Variants in TMEM178B observed in about 807,000 individuals in gnomAD.
The protein encoded by TMEM178B is transmembrane protein 178B.
TMEM178B carries 5 observed loss-of-function variants against 31.0 expected under a neutral mutation model. The observed-to-expected ratio is 0.16, with a 90% CI of 0.08 to 0.34. The LOEUF (loss-of-function observed/expected upper bound fraction) is 0.34. Ranked by LOEUF, TMEM178B falls within the 10% of genes least tolerant of loss-of-function variation. The probability of loss-of-function intolerance (pLI) is 1.00; values close to 1 mark genes in which losing one functional copy is unlikely to be tolerated. For synonymous variants in TMEM178B, 164 were observed against 164.0 expected, an observed-to-expected ratio of 1.00 and a Z score of 0.00; for missense variants, 275 against 400.3, an observed-to-expected ratio of 0.69 and a Z score of 2.67.
chr7:141,424,846 G>T (rs1313627022), intron 2 of TMEM178B, among the ~76,000 whole-genome samples: 1 of 152,100 alleles, frequency 6.6e-6, no homozygotes, highest in East Asian at 1.9e-4. Flanking sequence ...TCCTTCAAAA[G>T]AATACTTTTA....
chr7:141,208,176 T>G (rs1356071913), intron 1 of TMEM178B, among the ~76,000 whole-genome samples: 1 of 149,526 alleles, frequency 6.7e-6, no homozygotes, highest in African/African-American at 2.5e-5. Flanking sequence ...CTGGGTGACA[T>G]AGTGAGACCC....
intron 1 of TMEM178B, among the ~76,000 whole-genome samples, chr7:141,122,029 G>C (rs1021657542): frequency 6.6e-6 from 1 of 152,074 alleles, no homozygotes; most frequent in Non-Finnish European, 1.5e-5. Flanking sequence ...GGTAGATTTC[G>C]TGAGGGTAGG....
Position 141,302,439 on chromosome 7 carries a change from A to T in TMEM178B, c.496+89735A>T, listed in dbSNP as rs148392737. Among the ~76,000 whole-genome samples, 3 of 152,346 alleles carry T rather than the reference A, an allele frequency of 2.0e-5. No individual in the cohort carries two copies. The East Asian group carries it at 5.8e-4, about 29-fold the overall frequency. Reference sequence around the variant, plus strand: ...ATTGACTTTGAGTAGTCACTTATATAAGTAGTCAAATTCATAAAAACAGAA... The same window carrying T: ...ATTGACTTTGAGTAGTCACTTATATTAGTAGTCAAATTCATAAAAACAGAA... On this transcript the variant is annotated intron_variant, in intron 2 of 3. Transcript: ENST00000565468.
At chr7:141,262,314 C>T (rs1798025379) in intron 2 of TMEM178B, among the ~76,000 whole-genome samples, 1 of 151,958 alleles carries the variant, frequency 6.6e-6, no homozygotes, top group African/African-American at 2.4e-5. Flanking sequence ...GCTGGCTCTC[C>T]AGGCTGATTC....
At chr7:141,402,280 C>T (rs1800796590) in intron 2 of TMEM178B, among the ~76,000 whole-genome samples, 2 of 152,230 alleles carry the variant, frequency 1.3e-5, no homozygotes, top group Non-Finnish European at 2.9e-5. Context: ...CTCCTTTGCA[C>T]CTGCGAGTTT....
At chr7:141,454,130 C>T (rs1463555079) in intron 3 of TMEM178B, among the ~76,000 whole-genome samples, 1 of 152,066 alleles carries the variant, frequency 6.6e-6, no homozygotes, top group Admixed American at 6.6e-5. Context: ...TATAATTACC[C>T]CTCTGGCTCA....
chr7:141,148,446 T>C (rs916294887), intron 1 of TMEM178B, among the ~76,000 whole-genome samples: 3 of 151,704 alleles, frequency 2.0e-5, no homozygotes, highest in Admixed American at 6.6e-5. Context: ...GGAAGAAGAG[T>C]GTGCAAAGTA....
intron 1 of TMEM178B, among the ~76,000 whole-genome samples, chr7:141,159,700 A>G (rs1796137422): frequency 6.6e-6 from 1 of 152,210 alleles, no homozygotes; most frequent in Non-Finnish European, 1.5e-5. Context: ...AGCCAGACAC[A>G]GTAAGACAAA....
chr7:141,254,736 A>C (rs1797897352), intron 2 of TMEM178B, among the ~76,000 whole-genome samples: 1 of 152,156 alleles, frequency 6.6e-6, no homozygotes, highest in Non-Finnish European at 1.5e-5. Context: ...AAACAAACAA[A>C]CAAAAAAGCT....
intron 2 of TMEM178B, among the ~76,000 whole-genome samples, chr7:141,358,836 G>A (rs6464446): frequency 2.6e-3 from 396 of 152,226 alleles, no homozygotes; most frequent in Non-Finnish European, 3.6e-3. Flanking sequence ...GGGAGATGGG[G>A]TTTAGACAAA....
intron 2 of TMEM178B, among the ~76,000 whole-genome samples, chr7:141,376,728 A>G (rs1800221760): frequency 1.3e-5 from 2 of 151,810 alleles, no homozygotes; most frequent in Admixed American, 6.6e-5. Context: ...TTTTGCACCA[A>G]CCTGCTAGAA....
chr7:141,138,983 C>CA (rs1220991590), intron 1 of TMEM178B, among the ~76,000 whole-genome samples: 260 of 123,584 alleles, frequency 2.1e-3, no homozygotes, highest in Admixed American at 5.6e-3. Flanking sequence ...GACTCCATGT[C>CA]AAAAAAAAAA....
chr7:141,357,487 A>G (rs987878064), intron 2 of TMEM178B, among the ~76,000 whole-genome samples: 1 of 152,210 alleles, frequency 6.6e-6, no homozygotes, highest in African/African-American at 2.4e-5. Flanking sequence ...TAGCAGGAGC[A>G]CTAGCCTGGG....
chr7:141,237,637 G>T (rs755522389), intron 2 of TMEM178B, among the ~76,000 whole-genome samples: 2 of 152,122 alleles, frequency 1.3e-5, no homozygotes, highest in Non-Finnish European at 2.9e-5. Flanking sequence ...TTCCTTTCAA[G>T]ATTTTTTTTG....
intron 2 of TMEM178B, among the ~76,000 whole-genome samples, chr7:141,383,282 A>T (rs1800360763): frequency 6.6e-6 from 1 of 151,610 alleles, no homozygotes; most frequent in Non-Finnish European, 1.5e-5. Flanking sequence ...GGTTTGTTAC[A>T]TATGTATACA....
intron 1 of TMEM178B, among the ~76,000 whole-genome samples, chr7:141,203,171 T>G (rs963860366): frequency 5.3e-5 from 8 of 152,268 alleles, no homozygotes; most frequent in Non-Finnish European, 1.0e-4. Context: ...GAGAAAATGC[T>G]CTTTAAAGAG....
intron 1 of TMEM178B, among the ~76,000 whole-genome samples, chr7:141,076,343 A>C (rs1001848079): frequency 1.3e-5 from 2 of 152,244 alleles, no homozygotes; most frequent in Admixed American, 1.3e-4. Flanking sequence ...TTGAAATGAG[A>C]GGAAGTTAGC....
At chr7:141,504,297 G>A in the TMEM178B span, among the ~76,000 whole-genome samples, 1 of 152,166 alleles carries the variant, frequency 6.6e-6, no homozygotes, top group Non-Finnish European at 1.5e-5. Context: ...TGTGTGATCT[G>A]TACTTTGGAA....
chr7:141,301,968 G>T (rs527575550), intron 2 of TMEM178B, among the ~76,000 whole-genome samples: 1 of 152,158 alleles, frequency 6.6e-6, no homozygotes, highest in East Asian at 1.9e-4. Flanking sequence ...AAAAGTCTGG[G>T]CAGGTGTGGT....
Sources: gnomAD v4.1 joint callset for allele counts (sites outside exome capture counted in the v4.1 genomes callset) on GRCh38, gnomAD v4.1.1 for gene constraint, MANE v1.5 for transcripts, NCBI Gene and HGNC (gene_info 2026-07-23, HGNC 2026-07-21) for gene names.